LRRC69: variants seen among roughly 807,000 people sequenced by gnomAD.
LRRC69 encodes leucine-rich repeat-containing protein 69.
LRRC69 carries 42 observed loss-of-function variants against 37.8 expected under a neutral mutation model. The observed-to-expected ratio is 1.11, with a 90% CI of 0.87 to 1.44. LRRC69 has a LOEUF of 1.44. Among genes scored for constraint, LRRC69 ranks in the 40% most tolerant of loss-of-function variants. The probability of loss-of-function intolerance (pLI) is 0.00; values close to 1 mark genes in which losing one functional copy is unlikely to be tolerated. For missense variants in LRRC69, 357 were observed against 401.9 expected (o/e 0.89, Z 0.96); for synonymous variants, 141 against 143.1 (o/e 0.99, Z 0.11).
At chr8:91,125,624 T>C (rs1813702243) in intron 2 of LRRC69, among the ~76,000 whole-genome samples, 1 of 151,766 alleles carries the variant, frequency 6.6e-6, no homozygotes, top group South Asian at 2.1e-4. Flanking sequence ...CAATAGATAA[T>C]AATATTTTAT....
rs1021778138 is a variant in LRRC69 at position 91,160,941 on chromosome 8, G to A, written c.651+25202G>A. On this transcript the variant is annotated intron_variant, in intron 5 of 7. Transcript: ENST00000448384. ...ATTTTACTGTGGGTTTATCACATAC[G>A]GCCTTTACTTTGTTTAGTCATATTC... Among the ~76,000 whole-genome samples, 72 of 151,040 alleles carry A rather than the reference G, an allele frequency of 4.8e-4. 3 individuals carry two copies. Among genetic ancestry groups the A allele is most frequent in the Non-Finnish European group, 5.9e-5 (4 of 67,576 alleles).
At chr8:91,160,061 T>C (rs1181717912) in intron 5 of LRRC69, among the ~76,000 whole-genome samples, 1 of 151,310 alleles carries the variant, frequency 6.6e-6, no homozygotes, top group Non-Finnish European at 1.5e-5. Context: ...CTTTAATTTC[T>C]TTTAGCAGTA....
intron 5 of LRRC69, among the ~76,000 whole-genome samples, chr8:91,185,906 T>A (rs1809400311): frequency 6.6e-6 from 1 of 152,168 alleles, no homozygotes; most frequent in African/African-American, 2.4e-5. Flanking sequence ...CCATGTGAAA[T>A]CTCAGCTTCC....
intron 6 of LRRC69, among the ~76,000 whole-genome samples, chr8:91,194,442 C>T (rs868836650): frequency 2.6e-5 from 4 of 151,842 alleles, no homozygotes; most frequent in Admixed American, 2.6e-4. Context: ...CTCCTTGTAC[C>T]TCTGGTAGAA....
At chr8:91,180,513 G>T (rs1212573635) in intron 5 of LRRC69, among the ~76,000 whole-genome samples, 1 of 152,204 alleles carries the variant, frequency 6.6e-6, no homozygotes, top group Non-Finnish European at 1.5e-5. Flanking sequence ...TTCATTAGAA[G>T]TGAGTCACTA....
intron 2 of LRRC69, 192 bp downstream of exon 2, chr8:91,124,811 T>TTTTCTTATTAC (rs1813691385): frequency 2.2e-6 from 1 of 464,030 alleles, no homozygotes; most frequent in South Asian, 2.9e-5. Context: ...TATTTACATG[T>TTTTCTTATTAC]AGACCTAAGA....
chr8:91,129,924 G>C (rs1316875846), intron 3 of LRRC69, among the ~76,000 whole-genome samples: 1 of 151,786 alleles, frequency 6.6e-6, no homozygotes, highest in Non-Finnish European at 1.5e-5. Flanking sequence ...CCTTTACATA[G>C]TCAAATATAA....
intron 7 of LRRC69, among the ~76,000 whole-genome samples, chr8:91,201,783 A>G (rs1397132184): frequency 6.6e-6 from 1 of 152,218 alleles, no homozygotes; most frequent in African/African-American, 2.4e-5. Context: ...ATTGTCATCT[A>G]GTGAAGGAGA....
intron 5 of LRRC69, among the ~76,000 whole-genome samples, chr8:91,159,960 T>TA (rs900387051): frequency 6.7e-5 from 10 of 150,354 alleles, no homozygotes; most frequent in South Asian, 2.1e-4. Context: ...ATCCCCACCT[T>TA]AAAAAAAACA....
chr8:91,146,815 T>C (rs1159549172), intron 5 of LRRC69, among the ~76,000 whole-genome samples: 1 of 151,790 alleles, frequency 6.6e-6, no homozygotes, highest in Non-Finnish European at 1.5e-5. Context: ...GATTTAGCCC[T>C]CCCTCCATGT....
At chr8:91,114,125 CAT>C (rs1244441632) in intron 1 of LRRC69, among the ~76,000 whole-genome samples, 7 of 151,730 alleles carry the variant, frequency 4.6e-5, no homozygotes, top group Non-Finnish European at 5.9e-5. Flanking sequence ...TTATTTTACA[CAT>C]GTTAGAATGG....
intron 5 of LRRC69, among the ~76,000 whole-genome samples, chr8:91,187,338 T>G (rs147882632): frequency 3.3e-5 from 5 of 152,328 alleles, no homozygotes; most frequent in African/African-American, 1.2e-4. Flanking sequence ...TTGCCACATC[T>G]TCTTTTCTCC....
At chr8:91,127,115 A>G (rs1813730779) in exon 3 of LRRC69, 1 of 1,548,830 alleles carries the variant, frequency 6.5e-7, no homozygotes, top group Non-Finnish European at 8.7e-7. Flanking sequence ...ATCCTGCTTA[A>G]TCTGAACAAC....
At position 91,135,754 on chromosome 8, in the gene LRRC69, C is replaced by T; in HGVS notation, c.651+15C>T. The T allele has an allele frequency of 7.5e-7, 1 of 1,332,948 alleles. No homozygotes were observed. The highest frequency in any genetic ancestry group is 9.9e-7 in the Non-Finnish European group (1 of 1,012,482). 82.6% of individuals were successfully genotyped at this position (1,332,948 alleles called of 1,614,324 possible). A position where few individuals can be genotyped will look rare whatever the true frequency, so the allele number is the denominator to read the frequency against. On this transcript the variant is annotated intron_variant, in intron 5 of 7. Transcript: ENST00000448384. Reference sequence around the variant, plus strand: ...TTCCATCAGGAGTAAGTAGAGTCAACTTCCATTATAATTGAAAAATAATTT... The same window carrying T: ...TTCCATCAGGAGTAAGTAGAGTCAATTTCCATTATAATTGAAAAATAATTT...
At position 91,149,625 on chromosome 8, in the gene LRRC69, G is replaced by A. The variant is rs1481920613; in HGVS notation, c.651+13886G>A. Among the ~76,000 whole-genome samples the A allele has an allele frequency of 1.3e-4, 20 of 152,080 alleles. 3 individuals carry two copies. On this transcript the variant is annotated intron_variant, in intron 5 of 7. Transcript: ENST00000448384. ...AGTTTTTTCCAATTCTGTGAAGAAA[G>A]TCATTGTTAGCTTGATGGGGATGGC...
chr8:91,178,799 G>T (rs62526711), intron 5 of LRRC69, among the ~76,000 whole-genome samples: 9,387 of 152,220 alleles, frequency 0.062, 406 homozygotes, highest in African/African-American at 0.12. Flanking sequence ...TCCTTAACTG[G>T]TGTCCCTAGG....
chr8:91,194,493 A>G (rs1187127794), intron 6 of LRRC69, among the ~76,000 whole-genome samples: 5 of 151,640 alleles, frequency 3.3e-5, no homozygotes, highest in East Asian at 1.9e-4. Context: ...CTTTTTGGTT[A>G]GTAAGCTATT....
At chr8:91,114,890 T>C (rs186815321) in intron 1 of LRRC69, among the ~76,000 whole-genome samples, 75 of 152,104 alleles carry the variant, frequency 4.9e-4, no homozygotes, top group Admixed American at 3.2e-3. Flanking sequence ...ATTCTATCAT[T>C]TGCAGCAACA....
intron 5 of LRRC69, chr8:91,158,742 A>G: frequency 1.1e-6 from 1 of 920,554 alleles, no homozygotes; most frequent in Non-Finnish European, 1.8e-6. Flanking sequence ...TGAAGACACC[A>G]AGTCTGGCTG....
Sources: allele counts gnomAD v4.1 joint callset (sites outside exome capture counted in the v4.1 genomes callset), GRCh38; gene constraint gnomAD v4.1.1; transcripts MANE v1.5; gene names NCBI Gene and HGNC (gene_info 2026-07-23, HGNC 2026-07-21).